Variants in ASB1 observed in about 807,000 individuals in gnomAD.
ASB1 encodes ankyrin repeat and SOCS box containing 1, also known as ankyrin repeat and SOCS box protein 1.
ASB1 carries 18 observed loss-of-function variants against 27.7 expected under a neutral mutation model. The ratio of observed to expected loss-of-function variants is 0.65; its 90% CI spans 0.45 to 0.96. ASB1 has a LOEUF of 0.96. ASB1 is among the 50% of genes least tolerant of loss of function. The probability of loss-of-function intolerance (pLI) is 0.00; values close to 1 mark genes in which losing one functional copy is unlikely to be tolerated. For missense variants in ASB1, 397 were observed against 451.7 expected, an observed-to-expected ratio of 0.88 and a Z score of 1.10; for synonymous variants, 189 against 187.6, an observed-to-expected ratio of 1.01 and a Z score of -0.06.
chr2:238,442,820 G>A (rs1194075512), intron 3 of ASB1, among the ~76,000 whole-genome samples: 4 of 152,160 alleles, frequency 2.6e-5, no homozygotes, highest in African/African-American at 9.7e-5. Context: ...CCTTGTTTGA[G>A]ATACTGCCTT....
At chr2:238,440,772 A>G (rs1273579249) in intron 3 of ASB1, among the ~76,000 whole-genome samples, 6 of 152,222 alleles carry the variant, frequency 3.9e-5, no homozygotes, top group Non-Finnish European at 8.8e-5. Flanking sequence ...AAGTAAATGG[A>G]GTCATTTAGA....
Position 238,427,004 on chromosome 2 carries a change from G to A in ASB1, c.-67G>A. ...TGCCCTCGGCGCCGGAAGTGGTCGC[G>A]GGTCGTTCTGCTTCCTGCCCGAGGG... On this transcript the variant is annotated 5_prime_UTR_variant, in exon 1 of 5. Transcript: ENST00000264607. 1.7e-6 allele frequency: 2 copies of A among 1,198,252 alleles called. No homozygotes were observed. The highest frequency in any genetic ancestry group is 6.5e-5 in the East Asian group (2 of 30,718). 74.2% of individuals were successfully genotyped at this position (1,198,252 alleles called of 1,614,324 possible).
intron 3 of ASB1, among the ~76,000 whole-genome samples, chr2:238,438,495 C>T (rs10203254): frequency 0.14 from 21,138 of 152,134 alleles, 2,737 homozygotes; most frequent in African/African-American, 0.34. Context: ...CCACCGCGCC[C>T]GGCCACAGAT....
rs1353391170 is a variant in ASB1, at chr2:238,435,876, G to C, written c.357G>C (p.Val119=). 1.2e-5 allele frequency: 19 copies of C among 1,614,096 alleles called. No individual in the cohort carries two copies. Among genetic ancestry groups the C allele is most frequent in the Non-Finnish European group, 1.6e-5 (19 of 1,180,044 alleles). ...VKGQTALYVA[V]VNGHLESTQI... is the part of the protein sequence containing the mutation. ...GACAGACGGCCCTGTATGTGGCTGT[G>C]GTGAACGGGCACCTAGAGAGTACCC... The change falls in exon 3 of 5, where the codon GTG becomes GTC. Residue 119 remains valine, a synonymous_variant. Coordinates refer to ENST00000264607, the MANE Select transcript of ASB1 (RefSeq NM_001040445.3).
intron 3 of ASB1, among the ~76,000 whole-genome samples, chr2:238,440,171 G>A (rs1702052407): frequency 6.6e-6 from 1 of 152,118 alleles, no homozygotes. Flanking sequence ...CTCAGTCCTG[G>A]AATAAGTCAT....
intron 4 of ASB1, 142 bp from the exon 5 acceptor site, chr2:238,446,242 C>G (rs560747224): frequency 5.4e-6 from 5 of 929,286 alleles, no homozygotes; most frequent in Non-Finnish European, 6.4e-6. Flanking sequence ...GAAAAGCCAT[C>G]ACTTTGTGTT....
intron 3 of ASB1, among the ~76,000 whole-genome samples, chr2:238,439,321 C>T (rs962399907): frequency 1.3e-5 from 2 of 152,012 alleles, no homozygotes; most frequent in Non-Finnish European, 2.9e-5. Flanking sequence ...GTGGAAGCCT[C>T]GTTGTCATGT....
intron 3 of ASB1, among the ~76,000 whole-genome samples, chr2:238,440,120 C>G (rs1003113822): frequency 2.6e-5 from 4 of 152,212 alleles, no homozygotes; most frequent in African/African-American, 9.6e-5. Flanking sequence ...TCACTTTCTC[C>G]TGTAACAAGA....
rs919681062 is a variant in ASB1, at chr2:238,451,613, C to G, written c.*5102C>G. The G allele has an allele frequency of 6.5e-6, 1 of 152,704 alleles. No individual in the cohort carries two copies. Among genetic ancestry groups the G allele is most frequent in the African/African-American group, 2.4e-5 (1 of 41,442 alleles). 9.5% of individuals were successfully genotyped at this position (152,704 alleles called of 1,614,324 possible). ...TCCCTTTCTGCTTTGGTAATCAACA[C>G]GTGTTTGCCTGCAGTGGCCGGGACC... On this transcript the variant is annotated 3_prime_UTR_variant, in exon 5 of 5. Coordinates refer to ENST00000264607, the MANE Select transcript of ASB1 (RefSeq NM_001040445.3).
rs546848246 is a variant in ASB1, at chr2:238,427,054, C to T, written c.-17C>T. The T allele has an allele frequency of 4.0e-6, 5 of 1,259,820 alleles. No homozygotes were observed. Among genetic ancestry groups the T allele is most frequent in the Admixed American group, 8.3e-5 (2 of 24,198 alleles). The allele number at this position is 1,259,820 out of a possible 1,614,324, so 78.0% of individuals were successfully genotyped here. On this transcript the variant is annotated 5_prime_UTR_variant, in exon 1 of 5. Coordinates refer to ENST00000264607, the MANE Select transcript of ASB1 (RefSeq NM_001040445.3). ...GGCGTGCGCGGGTCAGGGGCGGCCGCGGAGGCGGAAGCATCCATGGCGGAG... is the reference window on the plus strand; with the variant it reads ...GGCGTGCGCGGGTCAGGGGCGGCCGTGGAGGCGGAAGCATCCATGGCGGAG...
intron 3 of ASB1, among the ~76,000 whole-genome samples, chr2:238,441,137 A>ATTT (rs35579640): frequency 7.0e-6 from 1 of 141,918 alleles, no homozygotes; most frequent in Non-Finnish European, 1.5e-5. Context: ...TTTGCTTTCA[A>ATTT]TTTTTTTTTT....
At chr2:238,440,287 C>T (rs1193459404) in intron 3 of ASB1, among the ~76,000 whole-genome samples, 1 of 152,196 alleles carries the variant, frequency 6.6e-6, no homozygotes, top group Non-Finnish European at 1.5e-5. Context: ...TTTTCATGCC[C>T]TCCTATTGGA....
chr2:238,442,462 T>C (rs1324357145), intron 3 of ASB1, among the ~76,000 whole-genome samples: 4 of 152,210 alleles, frequency 2.6e-5, no homozygotes, highest in Non-Finnish European at 5.9e-5. Flanking sequence ...TTCTAGAAGC[T>C]CTTTATACGT....
chr2:238,446,644 A>C lies in ASB1; in HGVS notation c.*133A>C. On this transcript the variant is annotated 3_prime_UTR_variant, in exon 5 of 5. Transcript: ENST00000264607. ...GCAGAAGATGTCCTCGTAGACTGTCATTGCTCCTCAGGTGCCTGGGCCGCT... is the reference window on the plus strand; with the variant it reads ...GCAGAAGATGTCCTCGTAGACTGTCCTTGCTCCTCAGGTGCCTGGGCCGCT... 8.3e-7 allele frequency: 1 copy of C among 1,201,274 alleles called. No individual in the cohort carries two copies. The highest frequency in any genetic ancestry group is 1.3e-5 in the South Asian group (1 of 79,884). The allele number at this position is 1,201,274 out of a possible 1,614,324, so 74.4% of individuals were successfully genotyped here.
At position 238,427,113 on chromosome 2, in the gene ASB1, T is replaced by G. The variant is rs1434087972; in HGVS notation, c.43T>G (p.Ser15Ala). 5.6e-6 allele frequency: 7 copies of G among 1,254,932 alleles called. No individual in the cohort carries two copies. The highest frequency in any genetic ancestry group is 7.0e-6 in the Non-Finnish European group (7 of 1,000,652). The allele number at this position is 1,254,932 out of a possible 1,614,324, so 77.7% of individuals were successfully genotyped here. ...CCCAGACGGGCGGGCAGGGCCGGGC[T>G]CCGCAGGTAACGTGCGCGCGGCCAC... ...GSPDGRAGPG[S>A]AGRNLKEWLR... Residue 15 changes from serine to alanine, a missense_variant, in exon 1 of 5, where the codon TCC becomes GCC. Ser to Ala is a moderately conservative substitution (Grantham distance 99, BLOSUM62 1). Coordinates refer to ENST00000264607, the MANE Select transcript of ASB1 (RefSeq NM_001040445.3).
intron 1 of ASB1, among the ~76,000 whole-genome samples, chr2:238,432,589 C>T (rs1470157341): frequency 2.0e-5 from 3 of 152,124 alleles, no homozygotes; most frequent in Non-Finnish European, 4.4e-5. Flanking sequence ...ATTTGCTCAG[C>T]CGTTGGATTT....
intron 4 of ASB1, among the ~76,000 whole-genome samples, chr2:238,445,313 T>C (rs575528616): frequency 1.4e-4 from 22 of 152,312 alleles, no homozygotes; most frequent in Admixed American, 5.9e-4. Flanking sequence ...TGCTCTGACC[T>C]GTGGCCCCAG....
chr2:238,445,961 G>C (rs1702171818), intron 4 of ASB1, among the ~76,000 whole-genome samples: 1 of 152,244 alleles, frequency 6.6e-6, no homozygotes, highest in Admixed American at 6.5e-5. Flanking sequence ...CTCAAGCAGT[G>C]CTCAGCCTGT....
intron 3 of ASB1, among the ~76,000 whole-genome samples, chr2:238,439,439 G>A (rs1383880215): frequency 6.6e-6 from 1 of 152,174 alleles, no homozygotes; most frequent in Non-Finnish European, 1.5e-5. Flanking sequence ...CTGAGGAGAC[G>A]GTTAGAAAGC....
Sources: allele counts gnomAD v4.1 joint callset (sites outside exome capture counted in the v4.1 genomes callset), GRCh38; gene constraint gnomAD v4.1.1; transcripts MANE v1.5; gene names NCBI Gene and HGNC (gene_info 2026-07-23, HGNC 2026-07-21).